The following ATXN7L1 variants were observed in gnomAD, a reference collection of about 807,000 sequenced individuals.
ATXN7L1 encodes the protein ataxin 7 like 1.
Under a neutral mutation model 70.8 loss-of-function variants are expected in ATXN7L1, and 15 were observed. The ratio of observed to expected loss-of-function variants is 0.21; its 90% CI spans 0.14 to 0.33. The LOEUF (loss-of-function observed/expected upper bound fraction) is 0.33, where lower values mean the gene tolerates loss of function less well. Ranked by LOEUF, ATXN7L1 falls within the 10% of genes least tolerant of loss-of-function variation. The pLI is 1.00. For synonymous variants in ATXN7L1, 440 were observed against 445.1 expected, an observed-to-expected ratio of 0.99 and a Z score of 0.14; for missense variants, 975 against 1,097.1, an observed-to-expected ratio of 0.89 and a Z score of 1.57.
chr7:105,816,253 G>T (rs750931547), intron 2 of ATXN7L1, among the ~76,000 whole-genome samples: 50 of 152,140 alleles, frequency 3.3e-4, no homozygotes, highest in Non-Finnish European at 6.0e-4. Flanking sequence ...TTTTAAAGAG[G>T]TTGTTCTGGG....
intron 3 of ATXN7L1, among the ~76,000 whole-genome samples, chr7:105,786,009 A>C (rs1044334072): frequency 6.6e-6 from 1 of 152,206 alleles, no homozygotes; most frequent in African/African-American, 2.4e-5. Flanking sequence ...GGACACTAAA[A>C]AGTACTCCCC....
intron 3 of ATXN7L1, among the ~76,000 whole-genome samples, chr7:105,736,018 A>G (rs1031862713): frequency 1.3e-5 from 2 of 152,214 alleles, no homozygotes; most frequent in Admixed American, 6.5e-5. Flanking sequence ...GGGGCTGAAG[A>G]CAGACAGTAA....
chr7:105,620,329 G>A lies in ATXN7L1; in HGVS notation c.1396-8C>T. ...ACTCCCAAATGAGCAAAACTGTGAGGAAAAAAAAATTTTAATTTTGATTAC... is the reference window on the plus strand; with the variant it reads ...ACTCCCAAATGAGCAAAACTGTGAGAAAAAAAAAATTTTAATTTTGATTAC... On this transcript the variant is annotated splice_region_variant and splice_polypyrimidine_tract_variant and intron_variant, in intron 8 of 11. Transcript: ENST00000419735. 3.3e-6 allele frequency: 5 copies of A among 1,523,912 alleles called. No homozygotes were observed. The highest frequency in any genetic ancestry group is 2.3e-5 in the Admixed American group (1 of 44,268). 94.4% of individuals were successfully genotyped at this position (1,523,912 alleles called of 1,614,324 possible).
chr7:105,671,275 C>T (rs1250720782), intron 3 of ATXN7L1, among the ~76,000 whole-genome samples: 1 of 136,732 alleles, frequency 7.3e-6, no homozygotes, highest in Non-Finnish European at 1.6e-5. Flanking sequence ...GAGTGAGACT[C>T]CGTCTCAAAA....
chr7:105,674,357 A>G (rs960335180), intron 3 of ATXN7L1, among the ~76,000 whole-genome samples: 3 of 152,210 alleles, frequency 2.0e-5, no homozygotes, highest in Admixed American at 6.5e-5. Flanking sequence ...AGTACCTACT[A>G]TATATCAGGC....
At chr7:105,768,212 C>A (rs753047708) in intron 3 of ATXN7L1, among the ~76,000 whole-genome samples, 9 of 152,314 alleles carry the variant, frequency 5.9e-5, no homozygotes, top group Non-Finnish European at 1.0e-4. Context: ...AATTATAGCA[C>A]AAGTTACATG....
At chr7:105,819,163 T>TGA (rs1197452759) in intron 2 of ATXN7L1, among the ~76,000 whole-genome samples, 1 of 152,030 alleles carries the variant, frequency 6.6e-6, no homozygotes, top group Non-Finnish European at 1.5e-5. Context: ...GATAGTTTGC[T>TGA]GAGAATGATG....
chr7:105,841,046 T>G (rs1488941642), intron 2 of ATXN7L1, among the ~76,000 whole-genome samples: 1 of 152,110 alleles, frequency 6.6e-6, no homozygotes, highest in Non-Finnish European at 1.5e-5. Flanking sequence ...GCTCCAGGTG[T>G]TTTTTCTATA....
At chr7:105,641,170 C>CT (rs1365641114) in intron 5 of ATXN7L1, among the ~76,000 whole-genome samples, 5 of 141,624 alleles carry the variant, frequency 3.5e-5, no homozygotes, top group African/African-American at 1.3e-4. Context: ...TGCCTCCCCC[C>CT]TTTTTTTGCT....
intron 2 of ATXN7L1, among the ~76,000 whole-genome samples, chr7:105,819,040 C>A (rs1399197260): frequency 6.6e-6 from 1 of 151,836 alleles, no homozygotes; most frequent in Non-Finnish European, 1.5e-5. Context: ...CCCAGCCCCC[C>A]ACCCCCGGAG....
intron 3 of ATXN7L1, among the ~76,000 whole-genome samples, chr7:105,771,642 G>A (rs1402414449): frequency 6.6e-6 from 1 of 152,186 alleles, no homozygotes; most frequent in African/African-American, 2.4e-5. Flanking sequence ...AGTAGGCTGA[G>A]AAGCATTGCC....
chr7:105,629,973 A>G (rs1796348150), intron 7 of ATXN7L1, among the ~76,000 whole-genome samples: 1 of 151,906 alleles, frequency 6.6e-6, no homozygotes, highest in Non-Finnish European at 1.5e-5. Context: ...ATGCACCACC[A>G]CACCTGGCTA....
At chr7:105,639,595 A>T (rs1797877269) in intron 5 of ATXN7L1, 26 bp from the exon 6 acceptor site, 6 of 1,506,920 alleles carry the variant, frequency 4.0e-6, no homozygotes, top group Non-Finnish European at 5.4e-6. Flanking sequence ...AACAAAAAAT[A>T]TAAGAAAAAA....
At chr7:105,805,645 T>C (rs1355280520) in intron 2 of ATXN7L1, among the ~76,000 whole-genome samples, 1 of 152,218 alleles carries the variant, frequency 6.6e-6, no homozygotes, top group Non-Finnish European at 1.5e-5. Context: ...GACGTGTGCG[T>C]GGCTCATGCT....
intron 3 of ATXN7L1, among the ~76,000 whole-genome samples, chr7:105,740,739 G>A (rs938992280): frequency 6.6e-6 from 1 of 150,950 alleles, no homozygotes; most frequent in Non-Finnish European, 1.5e-5. Context: ...CATACACACA[G>A]CAGCTGCTCA....
intron 2 of ATXN7L1, among the ~76,000 whole-genome samples, chr7:105,805,624 G>A (rs1485239028): frequency 6.6e-6 from 1 of 152,248 alleles, no homozygotes; most frequent in Admixed American, 6.5e-5. Context: ...CACTTGGCAA[G>A]TGATAAATAG....
At chr7:105,785,534 C>T (rs1312285508) in intron 3 of ATXN7L1, among the ~76,000 whole-genome samples, 4 of 151,936 alleles carry the variant, frequency 2.6e-5, no homozygotes, top group African/African-American at 7.3e-5. Flanking sequence ...GTCTGGCACT[C>T]GGCACACTGG....
intron 2 of ATXN7L1, among the ~76,000 whole-genome samples, chr7:105,806,486 G>A (rs968647089): frequency 6.6e-6 from 1 of 152,148 alleles, no homozygotes; most frequent in African/African-American, 2.4e-5. Context: ...CATATGGGGA[G>A]GAGAGCTTTG....
chr7:105,685,700 G>A (rs868376736), intron 3 of ATXN7L1, among the ~76,000 whole-genome samples: 2 of 152,162 alleles, frequency 1.3e-5, no homozygotes, highest in Admixed American at 6.5e-5. Flanking sequence ...ATGAAGGGCC[G>A]TGAGAGTTAC....
Sources: allele counts gnomAD v4.1 joint callset (sites outside exome capture counted in the v4.1 genomes callset), GRCh38; gene constraint gnomAD v4.1.1; transcripts MANE v1.5; gene names NCBI Gene and HGNC (gene_info 2026-07-23, HGNC 2026-07-21).